Variants in SLC26A5 observed in about 807,000 individuals in gnomAD.
The protein encoded by SLC26A5 is solute carrier family 26 member 5.
Under a neutral mutation model 81.0 loss-of-function variants are expected in SLC26A5, and 51 were observed. The observed-to-expected ratio is 0.63, with a 90% confidence interval of 0.50 to 0.80. The LOEUF (loss-of-function observed/expected upper bound fraction) is 0.80, where lower values mean the gene tolerates loss of function less well. Among genes scored for constraint, SLC26A5 ranks in the 30% least tolerant of loss-of-function variants. The probability of loss-of-function intolerance (pLI) is 0.00; values close to 1 mark genes in which losing one functional copy is unlikely to be tolerated. For missense variants in SLC26A5, 771 were observed against 905.8 expected, an observed-to-expected ratio of 0.85 and a Z score of 1.91; for synonymous variants, 325 against 332.8, an observed-to-expected ratio of 0.98 and a Z score of 0.25.
At position 103,356,550 on chromosome 7, in the gene SLC26A5, A is replaced by T. The variant is rs915679431; in HGVS notation, c.2042-3624T>A. 3.3e-5 allele frequency among the ~76,000 whole-genome samples: 5 copies of T among 152,302 alleles called. No individual in the cohort carries two copies. The Middle Eastern group carries it at 0.01, about 311-fold the overall frequency. On this transcript the variant is annotated intron_variant, in intron 19 of 19. Transcript: ENST00000339444. ...TGCCATTTGAGGGAAAATAATTTTA[A>T]TTTGTACTGTGTTGATTACTAGTAT...
intron 8 of SLC26A5, among the ~76,000 whole-genome samples, chr7:103,405,510 G>A (rs921623316): frequency 6.6e-6 from 1 of 152,110 alleles, no homozygotes; most frequent in African/African-American, 2.4e-5. Context: ...TATCACCAGC[G>A]AAGGCTGCAG....
At chr7:103,422,762 AC>A (rs1378677731) in intron 2 of SLC26A5, among the ~76,000 whole-genome samples, 1 of 152,168 alleles carries the variant, frequency 6.6e-6, no homozygotes, top group Non-Finnish European at 1.5e-5. Flanking sequence ...TGAACTATAT[AC>A]CTCATAATAA....
At chr7:103,354,732 A>G in intron 19 of SLC26A5, 1 of 607,120 alleles carries the variant, frequency 1.6e-6, no homozygotes, top group South Asian at 2.0e-5. Context: ...ATATTGGGTC[A>G]GGAATACCTC....
At chr7:103,404,827 G>A (rs758427553) in intron 8 of SLC26A5, among the ~76,000 whole-genome samples, 5 of 152,108 alleles carry the variant, frequency 3.3e-5, no homozygotes, top group Admixed American at 2.6e-4. Flanking sequence ...CCAGTCAAAC[G>A]TAGGTTTGGT....
chr7:103,369,020 T>C (rs1820874209), intron 19 of SLC26A5: 1 of 152,126 alleles, frequency 6.6e-6, no homozygotes. Context: ...CAAAGCACAA[T>C]AATGAATATT....
chr7:103,401,449 AAGG>A (rs144672977), intron 8 of SLC26A5, among the ~76,000 whole-genome samples: 4,678 of 152,292 alleles, frequency 0.031, 91 homozygotes, highest in East Asian at 0.074. Flanking sequence ...TTATCAGCTT[AAGG>A]AGATTTGGGG....
chr7:103,441,112 A>G (rs1255041389), intron 2 of SLC26A5, among the ~76,000 whole-genome samples: 1 of 152,206 alleles, frequency 6.6e-6, no homozygotes, highest in Admixed American at 6.5e-5. Context: ...GATAAGACTA[A>G]TCGAGAAAGA....
At chr7:103,419,974 G>A (rs1371075202) in intron 4 of SLC26A5, among the ~76,000 whole-genome samples, 4 of 152,112 alleles carry the variant, frequency 2.6e-5, no homozygotes, top group Admixed American at 2.6e-4. Context: ...AGCTCCATGA[G>A]GACAGTGAGC....
chr7:103,372,629 G>C (rs1010481100), downstream of SLC26A5, among the ~76,000 whole-genome samples: 1 of 152,168 alleles, frequency 6.6e-6, no homozygotes, highest in Non-Finnish European at 1.5e-5. Flanking sequence ...GCTGAACACT[G>C]AGTTTGATGT....
chr7:103,361,262 T>A (rs1292072191), intron 19 of SLC26A5, among the ~76,000 whole-genome samples: 1 of 151,034 alleles, frequency 6.6e-6, no homozygotes, highest in East Asian at 1.9e-4. Flanking sequence ...GGCGGGCGGA[T>A]CACCTGAGGT....
At chr7:103,379,815 G>C (rs1356507597) in intron 15 of SLC26A5, among the ~76,000 whole-genome samples, 2 of 152,098 alleles carry the variant, frequency 1.3e-5, no homozygotes, top group African/African-American at 4.8e-5. Context: ...ATTTTATCAA[G>C]AACCCTTGTG....
At chr7:103,404,011 A>T (rs1451936478) in intron 8 of SLC26A5, among the ~76,000 whole-genome samples, 1 of 152,030 alleles carries the variant, frequency 6.6e-6, no homozygotes, top group East Asian at 1.9e-4. Flanking sequence ...GGTGAAACCC[A>T]GTCTCTGCTA....
At chr7:103,382,981 G>A (rs1027004696) in intron 14 of SLC26A5, among the ~76,000 whole-genome samples, 10 of 152,090 alleles carry the variant, frequency 6.6e-5, no homozygotes, top group African/African-American at 2.4e-4. Flanking sequence ...TTGTAAATTA[G>A]AATATACTAC....
chr7:103,412,969 A>G, intron 5 of SLC26A5, 33 bp downstream of exon 5: 1 of 1,418,788 alleles, frequency 7.0e-7, no homozygotes, highest in Non-Finnish European at 1.0e-6. Flanking sequence ...ATACACAAGG[A>G]AAGGTAATAG....
chr7:103,373,020 T>C (rs1001329336), downstream of SLC26A5, among the ~76,000 whole-genome samples: 1 of 152,100 alleles, frequency 6.6e-6, no homozygotes. Flanking sequence ...ATAGCTCAAG[T>C]GGAGAAGGGA....
At position 103,367,293 on chromosome 7, in the gene SLC26A5, G is replaced by A; in HGVS notation, c.2041+9515C>T. ...CTGTTCTTACAGGATTTGCTTCAAA[G>A]TGGGATGTCACTTGTGCCTGAGGAC... On this transcript the variant is annotated intron_variant, in intron 19 of 19. Transcript: ENST00000339444. The surrounding 1 kb of genome is among the most constrained non-coding windows in gnomAD (Gnocchi z 6.1). 2.5e-6 allele frequency: 2 copies of A among 805,102 alleles called. No homozygotes were observed. The highest frequency in any genetic ancestry group is 4.1e-6 in the Non-Finnish European group (2 of 492,802). 49.9% of individuals were successfully genotyped at this position (805,102 alleles called of 1,614,324 possible).
intron 8 of SLC26A5, among the ~76,000 whole-genome samples, chr7:103,401,680 T>C (rs1270883428): frequency 2.0e-5 from 3 of 152,258 alleles, no homozygotes; most frequent in Admixed American, 1.3e-4. Flanking sequence ...CTATTCAGTA[T>C]GATATTGGCT....
chr7:103,387,348 T>A (rs1463329463), intron 14 of SLC26A5, among the ~76,000 whole-genome samples: 1 of 152,154 alleles, frequency 6.6e-6, no homozygotes, highest in Admixed American at 6.5e-5. Context: ...GGGGTCAACA[T>A]CCTCATAAAG....
chr7:103,421,487 G>A lies in SLC26A5; in HGVS notation c.28C>T (p.Leu10Phe), dbSNP rs1375742194. ...ACATAGTACCTCTGGGTTGCTGCAA[G>A]GATTTCATTTTCTTCAGCATGATCC... is the stretch of plus-strand genomic sequence containing the variant. MDHAEENEI[L>F]AATQRYYVER... Residue 10 changes from leucine to phenylalanine, a missense_variant, in exon 3 of 20, where the codon CTT becomes TTT. Leu to Phe is a conservative substitution (Grantham distance 22, BLOSUM62 0). Coordinates refer to ENST00000306312, the MANE Select transcript of SLC26A5 (RefSeq NM_198999.3). The A allele has an allele frequency of 1.2e-6, 2 of 1,613,980 alleles. No individual in the cohort carries two copies. Among genetic ancestry groups the A allele is most frequent in the Admixed American group, 3.3e-5 (2 of 59,996 alleles).
Sources: allele counts gnomAD v4.1 joint callset (sites outside exome capture counted in the v4.1 genomes callset), GRCh38; gene constraint gnomAD v4.1.1; non-coding constraint Gnocchi (gnomAD v3.1); transcripts MANE v1.5; gene names NCBI Gene and HGNC (gene_info 2026-07-23, HGNC 2026-07-21).